MXD1: variants seen among roughly 807,000 people sequenced by gnomAD.
MXD1 encodes MAX dimerization protein 1, also known as MAX-binding protein.
MXD1 carries 9 observed loss-of-function variants against 25.7 expected under a neutral mutation model. The observed-to-expected ratio is 0.35, with a 90% CI of 0.21 to 0.61. The LOEUF is 0.61. Ranked by LOEUF, MXD1 falls within the 20% of genes least tolerant of loss-of-function variation. MXD1 has a pLI of 0.75. For synonymous variants in MXD1, 99 were observed against 113.9 expected (o/e 0.87, Z 0.83); for missense variants, 227 against 292.4 (o/e 0.78, Z 1.63).
chr2:69,915,385 C>G lies in MXD1; in HGVS notation c.55C>G (p.Leu19Val), dbSNP rs1161679376. The G allele has an allele frequency of 9.3e-6, 12 of 1,285,290 alleles. No homozygotes were observed. Among genetic ancestry groups the G allele is most frequent in the Non-Finnish European group, 1.2e-5 (12 of 1,006,644 alleles). The allele number at this position is 1,285,290 out of a possible 1,614,324, so 79.6% of individuals were successfully genotyped here. A position where few individuals can be genotyped will look rare whatever the true frequency, so the allele number is the denominator to read the frequency against. Residue 19 changes from leucine to valine, a missense_variant, in exon 1 of 6, where the codon CTG becomes GTG. Transcript: ENST00000264444. The surrounding 1 kb of genome is among the most constrained non-coding windows in gnomAD (Gnocchi z 5.8). ...GATGCTGCTGGAGGCGGCCGACTAT[C>G]TGGAGCGGCGGGAGAGAGGTGCACG... ...IQMLLEAADY[L>V]ERREREAEHG...
intron 4 of MXD1, among the ~76,000 whole-genome samples, chr2:69,936,696 C>A (rs1677451838): frequency 6.6e-6 from 1 of 152,160 alleles, no homozygotes; most frequent in African/African-American, 2.4e-5. Context: ...CTAAACTCTT[C>A]TGTTGGACAA....
chr2:69,929,286 C>T (rs964503260), intron 3 of MXD1, among the ~76,000 whole-genome samples: 3 of 152,184 alleles, frequency 2.0e-5, no homozygotes, highest in Non-Finnish European at 4.4e-5. Context: ...CATTTGGTAC[C>T]ACTTCTGGTC....
chr2:69,941,933 A>G lies in MXD1; in HGVS notation c.*3649A>G, dbSNP rs1264221951. On this transcript the variant is annotated 3_prime_UTR_variant, in exon 6 of 6. Coordinates refer to ENST00000264444, the MANE Select transcript of MXD1 (RefSeq NM_002357.4). ...ACCATACTGTATTGGCGAGAATACC[A>G]CTATCATTGTCCTTTACAGTCTATT... The G allele has an allele frequency of 6.6e-6, 1 of 152,114 alleles. No individual in the cohort carries two copies. The highest frequency in any genetic ancestry group is 1.5e-5 in the Non-Finnish European group (1 of 68,030). The allele number at this position is 152,114 out of a possible 1,614,324, so 9.4% of individuals were successfully genotyped here. A position where few individuals can be genotyped will look rare whatever the true frequency, so the allele number is the denominator to read the frequency against.
intron 3 of MXD1, among the ~76,000 whole-genome samples, chr2:69,931,422 A>T (rs1364206411): frequency 2.6e-5 from 4 of 152,146 alleles, no homozygotes; most frequent in Admixed American, 6.5e-5. Flanking sequence ...AAGTGAGAAT[A>T]TGCAACGTTT....
At chr2:69,933,200 C>CAA (rs59201689) in intron 3 of MXD1, among the ~76,000 whole-genome samples, 285 of 79,740 alleles carry the variant, frequency 3.6e-3, no homozygotes, top group Middle Eastern at 0.019. Flanking sequence ...AACTCTGTCT[C>CAA]AAAAAAAAAA....
chr2:69,936,185 A>G (rs1373827805), intron 4 of MXD1, among the ~76,000 whole-genome samples: 1 of 152,054 alleles, frequency 6.6e-6, no homozygotes, highest in Non-Finnish European at 1.5e-5. Context: ...TAGCTCTGAT[A>G]ATCCTTCGCT....
intron 3 of MXD1, among the ~76,000 whole-genome samples, chr2:69,933,206 AAAAAAAAAAAAAAAAAAAC>A (rs1228929583): frequency 7.7e-6 from 1 of 130,040 alleles, no homozygotes; most frequent in Non-Finnish European, 1.5e-5. Flanking sequence ...GTCTCAAAAA[AAAAAAAAAAAAAAAAAAAC>A]AAAAAAAGAA....
At chr2:69,920,650 T>G (rs1677048209) in intron 2 of MXD1, among the ~76,000 whole-genome samples, 1 of 152,158 alleles carries the variant, frequency 6.6e-6, no homozygotes. Context: ...CCCAGTAAGG[T>G]GCTGATTATG....
intron 3 of MXD1, among the ~76,000 whole-genome samples, chr2:69,933,200 C>CAAAAAAAAAAAAAAAAAAAAAAA (rs59201689): frequency 1.2e-5 from 1 of 80,144 alleles, no homozygotes; most frequent in Non-Finnish European, 2.5e-5. Flanking sequence ...AACTCTGTCT[C>CAAAAAAAAAAAAAAAAAAAAAAA]AAAAAAAAAA....
At chr2:69,933,304 G>T (rs1449711449) in intron 3 of MXD1, among the ~76,000 whole-genome samples, 4 of 150,882 alleles carry the variant, frequency 2.7e-5, no homozygotes, top group Non-Finnish European at 5.9e-5. Context: ...CTTTCTCATA[G>T]TGTTTCTAAT....
At chr2:69,932,248 G>C (rs1013022842) in intron 3 of MXD1, among the ~76,000 whole-genome samples, 1 of 152,178 alleles carries the variant, frequency 6.6e-6, no homozygotes, top group Non-Finnish European at 1.5e-5. Flanking sequence ...ATGTGTGTGT[G>C]TGTCAGGGTT....
Position 69,938,501 on chromosome 2 carries a change from G to C in MXD1, c.*217G>C, listed in dbSNP as rs1297316228. On this transcript the variant is annotated 3_prime_UTR_variant, in exon 6 of 6. Coordinates refer to ENST00000264444, the MANE Select transcript of MXD1 (RefSeq NM_002357.4). ...TTTCTCGCCATAAAAATTTGTCTCT[G>C]AGAGACTATACATTCCAATCAATTT... The C allele has an allele frequency of 1.1e-5, 6 of 544,150 alleles. No individual in the cohort carries two copies. Among genetic ancestry groups the C allele is most frequent in the South Asian group, 1.1e-4 (5 of 45,756 alleles). 33.7% of individuals were successfully genotyped at this position (544,150 alleles called of 1,614,324 possible). A position where few individuals can be genotyped will look rare whatever the true frequency, so the allele number is the denominator to read the frequency against.
chr2:69,934,237 A>C (rs1443512607), intron 3 of MXD1, among the ~76,000 whole-genome samples: 1 of 152,226 alleles, frequency 6.6e-6, no homozygotes, highest in African/African-American at 2.4e-5. Flanking sequence ...GTGCTTAGAA[A>C]ATAGAGGAAT....
At chr2:69,926,621 T>C (rs1418083711) in intron 3 of MXD1, among the ~76,000 whole-genome samples, 2 of 152,346 alleles carry the variant, frequency 1.3e-5, no homozygotes, top group Non-Finnish European at 2.9e-5. Context: ...GTAAAAGGTA[T>C]TCCTGGATTT....
chr2:69,933,471 T>G (rs955946848), intron 3 of MXD1, among the ~76,000 whole-genome samples: 3 of 150,556 alleles, frequency 2.0e-5, no homozygotes, highest in Admixed American at 2.0e-4. Flanking sequence ...CTCTGCCACA[T>G]GGACAGGTTT....
Position 69,938,212 on chromosome 2 carries a change from T to G in MXD1, c.594T>G (p.Asp198Glu). The G allele has an allele frequency of 1.2e-6, 2 of 1,614,182 alleles. No homozygotes were observed. Among genetic ancestry groups the G allele is most frequent in the Non-Finnish European group, 1.7e-6 (2 of 1,180,034 alleles). ...GCAGCATGCAGAGCCTCGGCAGTGA[T>G]GAGGGCTATTCCAGCACCAGCATCA... ...ERGSMQSLGS[D>E]EGYSSTSIKR... The change falls in exon 6 of 6, where the codon GAT becomes GAG. Residue 198 changes from aspartate to glutamate, a missense_variant. Asp to Glu is a conservative substitution (Grantham distance 45). Coordinates refer to ENST00000264444, the MANE Select transcript of MXD1 (RefSeq NM_002357.4).
intron 3 of MXD1, among the ~76,000 whole-genome samples, chr2:69,923,096 T>A (rs1677101618): frequency 6.6e-6 from 1 of 150,472 alleles, no homozygotes; most frequent in Non-Finnish European, 1.5e-5. Flanking sequence ...AAAAACCACT[T>A]GCTTTTACCA....
At position 69,915,235 on chromosome 2, in the gene MXD1, C is replaced by G. The variant is rs940670421; in HGVS notation, c.-96C>G. The G allele has an allele frequency of 3.5e-6, 4 of 1,139,714 alleles. No individual in the cohort carries two copies. The highest frequency in any genetic ancestry group is 3.2e-5 in the East Asian group (1 of 31,224). 70.6% of individuals were successfully genotyped at this position (1,139,714 alleles called of 1,614,324 possible). On this transcript the variant is annotated 5_prime_UTR_variant, in exon 1 of 6. Coordinates refer to ENST00000264444, the MANE Select transcript of MXD1 (RefSeq NM_002357.4). The surrounding 1 kb of genome is among the most constrained non-coding windows in gnomAD (Gnocchi z 5.8). Reference sequence around the variant, plus strand: ...TCCGCGGGGTCCACAGCGGGCTCCACAGCGGGCTCCATAGCGGGCTCCACA... The same window carrying G: ...TCCGCGGGGTCCACAGCGGGCTCCAGAGCGGGCTCCATAGCGGGCTCCACA...
chr2:69,934,992 T>G (rs889195472), intron 3 of MXD1, among the ~76,000 whole-genome samples: 2 of 152,224 alleles, frequency 1.3e-5, no homozygotes, highest in Non-Finnish European at 2.9e-5. Context: ...AATATGCATT[T>G]AATACTTCAA....
Sources: allele counts gnomAD v4.1 joint callset (sites outside exome capture counted in the v4.1 genomes callset), GRCh38; gene constraint gnomAD v4.1.1; non-coding constraint Gnocchi (gnomAD v3.1); transcripts MANE v1.5; gene names NCBI Gene and HGNC (gene_info 2026-07-23, HGNC 2026-07-21).